RAD54L2: variants seen among roughly 807,000 people sequenced by gnomAD.
The protein encoded by RAD54L2 is helicase ARIP4.
A neutral mutation model predicts 138.4 loss-of-function variants in RAD54L2; 27 were observed. The observed-to-expected ratio is 0.20, with a 90% CI of 0.14 to 0.27. The LOEUF (loss-of-function observed/expected upper bound fraction) is 0.27. Ranked by LOEUF, RAD54L2 falls within the 10% of genes least tolerant of loss-of-function variation. The probability of loss-of-function intolerance (pLI) is 1.00; values close to 1 mark genes in which losing one functional copy is unlikely to be tolerated. For synonymous variants in RAD54L2, 644 were observed against 723.2 expected (o/e 0.89, Z 1.76); for missense variants, 1,396 against 1,890.2 (o/e 0.74, Z 4.85).
At position 51,660,073 on chromosome 3, in the gene RAD54L2, A is replaced by C; in HGVS notation, c.3364A>C (p.Thr1122Pro). The change falls in exon 22 of 23, where the codon ACT becomes CCT. Residue 1122 changes from threonine (T) to proline (P), a missense_variant. Thr to Pro is a conservative substitution (Grantham distance 38). Around this residue, in one of 7 missense-constraint regions of RAD54L2, gnomAD observed 634 missense variants for 711.2 expected, o/e 0.89. Transcript: ENST00000684192. ...SDGRIFAVRA[T>P]GKPKVPEDGR... ...TGGACGGATCTTTGCTGTCCGGGCA[A>C]CTGGCAAACCAAAGGTTCCTGAAGA... 6.2e-7 allele frequency: 1 copy of C among 1,600,936 alleles called. No individual in the cohort carries two copies. The highest frequency in any genetic ancestry group is 8.6e-7 in the Non-Finnish European group (1 of 1,169,024).
At chr3:51,599,175 C>T (rs1194009304) in intron 3 of RAD54L2, among the ~76,000 whole-genome samples, 1 of 152,156 alleles carries the variant, frequency 6.6e-6, no homozygotes, top group Non-Finnish European at 1.5e-5. Context: ...GAAATCTCCA[C>T]ACATTTGGTC....
At chr3:51,605,513 C>T (rs1482914583) in intron 3 of RAD54L2, among the ~76,000 whole-genome samples, 4 of 126,186 alleles carry the variant, frequency 3.2e-5, no homozygotes, top group Non-Finnish European at 4.7e-5. Flanking sequence ...TATGCAGTGG[C>T]GTGATCTTGG....
chr3:51,636,044 C>G (rs1216427514), intron 10 of RAD54L2, among the ~76,000 whole-genome samples: 1 of 152,098 alleles, frequency 6.6e-6, no homozygotes, highest in Non-Finnish European at 1.5e-5. Context: ...TTCGTCTATC[C>G]CTGTTTCTCT....
chr3:51,583,428 T>TC (rs1699649645), intron 2 of RAD54L2, among the ~76,000 whole-genome samples: 1 of 151,404 alleles, frequency 6.6e-6, no homozygotes, highest in Non-Finnish European at 1.5e-5. Context: ...TCTTTTTTTT[T>TC]ATTTTTTTTT....
rs1283495539 is a variant in RAD54L2, at chr3:51,662,618, C to T, written c.3602C>T (p.Ala1201Val). 6.2e-7 allele frequency: 1 copy of T among 1,612,420 alleles called. No individual in the cohort carries two copies. The highest frequency in any genetic ancestry group is 8.5e-7 in the Non-Finnish European group (1 of 1,179,222). Reference sequence around the variant, plus strand: ...CAGAGCTCCCCAAGCACCAATGCCGCCCTGCCTGGCCCCCCGGCCCAACTT... The same window carrying T: ...CAGAGCTCCCCAAGCACCAATGCCGTCCTGCCTGGCCCCCCGGCCCAACTT... ...SRQSSPSTNA[A>V]LPGPPAQLMD... is the part of the protein sequence containing the mutation. Residue 1201 changes from alanine to valine, a missense_variant, in exon 23 of 23, where the codon GCC becomes GTC. Around this residue, in one of 7 missense-constraint regions of RAD54L2, gnomAD observed 634 missense variants for 711.2 expected, o/e 0.89. Coordinates refer to ENST00000684192, the MANE Select transcript of RAD54L2 (RefSeq NM_015106.4). This position sits in a 1 kb window ranked among gnomAD's most constrained non-coding sequence, Gnocchi z 4.6.
intron 2 of RAD54L2, among the ~76,000 whole-genome samples, chr3:51,548,497 A>T (rs527674116): frequency 9.0e-4 from 137 of 152,080 alleles, no homozygotes; most frequent in African/African-American, 3.1e-3. Flanking sequence ...CAACATTTTC[A>T]TATATATATT....
In RAD54L2 at chr3:51,663,486, G is replaced by T; in HGVS notation, c.*66G>T. On this transcript the variant is annotated 3_prime_UTR_variant, in exon 23 of 23. Coordinates refer to ENST00000684192, the MANE Select transcript of RAD54L2 (RefSeq NM_015106.4). ...GTTGCCCACCAAGCTGAAAGGCAGT[G>T]ATTTAGACCTTTTGAGAATAGGACA... is the stretch of plus-strand genomic sequence containing the variant. 1 of 1,455,930 alleles carries T rather than the reference G, an allele frequency of 6.9e-7. No individual in the cohort carries two copies. 90.2% of individuals were successfully genotyped at this position (1,455,930 alleles called of 1,614,324 possible). A position where few individuals can be genotyped will look rare whatever the true frequency, so the allele number is the denominator to read the frequency against.
At chr3:51,605,111 A>T in intron 3 of RAD54L2, among the ~76,000 whole-genome samples, 1 of 121,156 alleles carries the variant, frequency 8.3e-6, no homozygotes, top group Non-Finnish European at 1.7e-5. Flanking sequence ...TTTTTTTGAG[A>T]CTGAGTCTTG....
intron 3 of RAD54L2, among the ~76,000 whole-genome samples, chr3:51,602,427 C>G: frequency 6.6e-6 from 1 of 152,164 alleles, no homozygotes; most frequent in East Asian, 1.9e-4. Context: ...CGTGACTACT[C>G]TCCAGCCCAC....
intron 2 of RAD54L2, among the ~76,000 whole-genome samples, chr3:51,585,473 G>T (rs959933606): frequency 6.6e-6 from 1 of 152,182 alleles, no homozygotes; most frequent in African/African-American, 2.4e-5. Context: ...CTTTGTTTGT[G>T]TGTGTGTTTC....
chr3:51,602,882 C>T (rs1700106566), intron 3 of RAD54L2, among the ~76,000 whole-genome samples: 1 of 152,042 alleles, frequency 6.6e-6, no homozygotes, highest in Non-Finnish European at 1.5e-5. Context: ...TGGGGTGGTG[C>T]TTCCTTTTTA....
rs1390892559 is a variant in RAD54L2 at position 51,663,504 on chromosome 3, A to G, written c.*84A>G. 1 of 1,434,712 alleles carries G rather than the reference A, an allele frequency of 7.0e-7. No individual in the cohort carries two copies. The highest frequency in any genetic ancestry group is 1.4e-5 in the African/African-American group (1 of 70,118). The allele number at this position is 1,434,712 out of a possible 1,614,324, so 88.9% of individuals were successfully genotyped here. A position where few individuals can be genotyped will look rare whatever the true frequency, so the allele number is the denominator to read the frequency against. ...AGGCAGTGATTTAGACCTTTTGAGA[A>G]TAGGACACTTGGCAGGAGGGAAAAG... On this transcript the variant is annotated 3_prime_UTR_variant, in exon 23 of 23. Coordinates refer to ENST00000684192, the MANE Select transcript of RAD54L2 (RefSeq NM_015106.4).
chr3:51,659,401 G>A (rs1046035516), intron 21 of RAD54L2, among the ~76,000 whole-genome samples: 7 of 152,194 alleles, frequency 4.6e-5, no homozygotes, highest in South Asian at 2.1e-4. Context: ...CACTGTGCCC[G>A]GCCCAAAAAC....
intron 2 of RAD54L2, among the ~76,000 whole-genome samples, chr3:51,584,171 T>C (rs1213584194): frequency 6.6e-6 from 1 of 152,142 alleles, no homozygotes; most frequent in African/African-American, 2.4e-5. Context: ...TCTGTAAACA[T>C]GTCTTTAGTG....
chr3:51,628,452 G>A (rs1291697293), intron 4 of RAD54L2, among the ~76,000 whole-genome samples: 1 of 151,940 alleles, frequency 6.6e-6, no homozygotes, highest in African/African-American at 2.4e-5. Context: ...GTGCAGTGGC[G>A]TGATCTTGGC....
intron 19 of RAD54L2, among the ~76,000 whole-genome samples, chr3:51,654,011 A>G (rs1701527858): frequency 1.3e-5 from 2 of 152,138 alleles, no homozygotes; most frequent in South Asian, 2.1e-4. Context: ...AGTCTCATGT[A>G]AGGTTTTAGG....
chr3:51,565,977 C>T (rs957041028), intron 2 of RAD54L2, among the ~76,000 whole-genome samples: 6 of 151,404 alleles, frequency 4.0e-5, no homozygotes, highest in African/African-American at 9.7e-5. Context: ...TACAGGCGCC[C>T]GCCACCATGT....
At chr3:51,589,705 CACAT>C (rs971591917) in intron 2 of RAD54L2, among the ~76,000 whole-genome samples, 1,520 of 151,494 alleles carry the variant, frequency 0.01, 35 homozygotes, top group African/African-American at 0.034. Flanking sequence ...CACACACACA[CACAT>C]ACACACACAT....
At chr3:51,631,048 G>A (rs1700827506) in intron 7 of RAD54L2, 117 bp downstream of exon 7, 1 of 1,021,686 alleles carries the variant, frequency 9.8e-7, no homozygotes, top group African/African-American at 1.6e-5. Flanking sequence ...ACCAAGAGCA[G>A]CTTGTTCAGC....
Sources: allele counts gnomAD v4.1 joint callset (sites outside exome capture counted in the v4.1 genomes callset), GRCh38; gene constraint gnomAD v4.1.1; regional missense constraint gnomAD v4.1.1; non-coding constraint Gnocchi (gnomAD v3.1); transcripts MANE v1.5; gene names NCBI Gene and HGNC (gene_info 2026-07-23, HGNC 2026-07-21).